The following RBCK1 variants were observed in gnomAD, a reference collection of about 807,000 sequenced individuals.
RBCK1 encodes the protein RANBP2-type and C3HC4-type zinc finger containing 1.
A neutral mutation model predicts 71.1 loss-of-function variants in RBCK1; 44 were observed. That is an observed-to-expected ratio of 0.62 (90% CI 0.49 to 0.80). RBCK1 has a LOEUF of 0.80. RBCK1 is among the 30% of genes least tolerant of loss of function. RBCK1 has a pLI of 0.00. For synonymous variants in RBCK1, 306 were observed against 279.7 expected (o/e 1.09, Z -0.94); for missense variants, 569 against 685.0 (o/e 0.83, Z 1.89).
At chr20:416,301 G>A (rs797004868) in intron 2 of RBCK1, among the ~76,000 whole-genome samples, 16 of 151,820 alleles carry the variant, frequency 1.1e-4, no homozygotes, top group African/African-American at 3.9e-4. Context: ...GACTACAGGC[G>A]CCCGCCACCG....
Position 423,460 on chromosome 20 carries a change from G to A in RBCK1, c.1029+1222G>A, listed in dbSNP as rs1343085840. 2.0e-5 allele frequency among the ~76,000 whole-genome samples: 3 copies of A among 152,022 alleles called. No individual in the cohort carries two copies. The East Asian group carries it at 5.8e-4, about 29-fold the overall frequency. On this transcript the variant is annotated intron_variant, in intron 8 of 11. Coordinates refer to ENST00000356286, the MANE Select transcript of RBCK1 (RefSeq NM_031229.4). ...GACAGTTGGCCCTCTGTATCTGTGG[G>A]TACCACACTGGAGAATTCAGCAACG...
At position 408,718 on chromosome 20, in the gene RBCK1, G is replaced by A; in HGVS notation, c.-40G>A. 1 of 1,611,064 alleles carries A rather than the reference G, an allele frequency of 6.2e-7. No homozygotes were observed. On this transcript the variant is annotated 5_prime_UTR_variant, in exon 1 of 12. Transcript: ENST00000356286. Reference sequence around the variant, plus strand: ...GACCCGGAGGTAGCATTTCCCAGGAGGCACGGTCCCCCCCAGGGGGATGGG... The same window carrying A: ...GACCCGGAGGTAGCATTTCCCAGGAAGCACGGTCCCCCCCAGGGGGATGGG...
At chr20:410,897 C>T in intron 2 of RBCK1, 1 of 234,394 alleles carries the variant, frequency 4.3e-6, no homozygotes. Flanking sequence ...TACAGTTCGA[C>T]CATTTAAAGT....
rs775370317 is a variant in RBCK1, at chr20:417,191, TAAC to T, written c.168-328_168-326del. ...GCATTAAATAGTCTTAGCACGTAGT[TAAC>T]AACAACTTCTGGTGGTTTCACTAAG... On this transcript the variant is annotated intron_variant, in intron 2 of 11. Coordinates refer to ENST00000356286, the MANE Select transcript of RBCK1 (RefSeq NM_031229.4). This position sits in a 1 kb window ranked among gnomAD's most constrained non-coding sequence, Gnocchi z 4.7. 3 of 531,114 alleles carry T rather than the reference TAAC, an allele frequency of 5.6e-6. No individual in the cohort carries two copies. Among genetic ancestry groups the T allele is most frequent in the South Asian group, 3.1e-5 (2 of 65,136 alleles). The allele number at this position is 531,114 out of a possible 1,614,324, so 32.9% of individuals were successfully genotyped here.
In RBCK1 at chr20:427,501, T is replaced by C. The variant is rs752707150; in HGVS notation, c.1209+9T>C. On this transcript the variant is annotated intron_variant, in intron 9 of 11. Transcript: ENST00000356286. ...ACTGCCTGCTCTGCAAGGTGGGGCC[T>C]GCAGGGACTCCCCCCACCTAGTCAC... 1.2e-6 allele frequency: 2 copies of C among 1,612,180 alleles called. No homozygotes were observed. Among genetic ancestry groups the C allele is most frequent in the East Asian group, 2.2e-5 (1 of 44,876 alleles).
intron 11 of RBCK1, among the ~76,000 whole-genome samples, chr20:429,339 G>A (rs1465853287): frequency 6.6e-6 from 1 of 151,290 alleles, no homozygotes; most frequent in Non-Finnish European, 1.5e-5. Flanking sequence ...CAATTCTCCT[G>A]CCTCAGCCTC....
At chr20:409,801 C>G (rs2015591971) in intron 1 of RBCK1, 80 bp from the exon 2 acceptor site, 10 of 1,537,602 alleles carry the variant, frequency 6.5e-6, no homozygotes, top group Non-Finnish European at 7.0e-6. Flanking sequence ...CACAAAGGAT[C>G]GCCTCCTTTC....
intron 6 of RBCK1, chr20:420,106 C>T: frequency 2.0e-6 from 2 of 985,186 alleles, no homozygotes; most frequent in Non-Finnish European, 2.4e-6. Flanking sequence ...CGGACCTCAC[C>T]CCCACCCGTC....
Position 430,504 on chromosome 20 carries a change from C to T in RBCK1, c.*74C>T. ...TGTTAGAATGTAGCTCAGGGAGCTT[C>T]GTGGACGGCCTTGCTTGCTGTAGCG... On this transcript the variant is annotated 3_prime_UTR_variant, in exon 12 of 12. Transcript: ENST00000356286. The surrounding 1 kb of genome is among the most constrained non-coding windows in gnomAD (Gnocchi z 5.6). 2.7e-6 allele frequency: 4 copies of T among 1,465,742 alleles called. No individual in the cohort carries two copies. The highest frequency in any genetic ancestry group is 2.3e-5 in the East Asian group (1 of 44,028). 90.8% of individuals were successfully genotyped at this position (1,465,742 alleles called of 1,614,324 possible).
rs2016096112 is a variant in RBCK1, at chr20:417,920, G to C, written c.450G>C (p.Arg150=). Residue 150 remains arginine, a synonymous_variant, in exon 4 of 12, where the codon CGG becomes CGC. Coordinates refer to ENST00000356286, the MANE Select transcript of RBCK1 (RefSeq NM_031229.4). The surrounding 1 kb of genome is among the most constrained non-coding windows in gnomAD (Gnocchi z 4.7). The part of the protein sequence containing the change: ...PQELQRERQL[R]MLEDLGFKDL... ...AGCTGCAGCGGGAGCGGCAGCTGCGGATGCTGGAAGGTGAGGCTCTGCCCT... is the reference window on the plus strand; with the variant it reads ...AGCTGCAGCGGGAGCGGCAGCTGCGCATGCTGGAAGGTGAGGCTCTGCCCT... 2 of 1,606,790 alleles carry C rather than the reference G, an allele frequency of 1.2e-6. No individual in the cohort carries two copies. Among genetic ancestry groups the C allele is most frequent in the Non-Finnish European group, 1.7e-6 (2 of 1,179,848 alleles).
At chr20:410,580 C>T (rs1407684514) in intron 2 of RBCK1, 1 of 779,536 alleles carries the variant, frequency 1.3e-6, no homozygotes, top group Non-Finnish European at 2.4e-6. Flanking sequence ...AGCTACAGTT[C>T]AGCTTGAGGG....
intron 9 of RBCK1, among the ~76,000 whole-genome samples, chr20:427,882 C>G (rs2016817567): frequency 6.6e-6 from 1 of 152,138 alleles, no homozygotes; most frequent in Non-Finnish European, 1.5e-5. Flanking sequence ...CAGCTCAGAC[C>G]CTGAACCGAG....
intron 6 of RBCK1, 41 bp downstream of exon 6, chr20:419,772 C>T (rs373808622): frequency 8.6e-6 from 13 of 1,519,906 alleles, no homozygotes; most frequent in African/African-American, 1.4e-5. Flanking sequence ...GCAGACCGCA[C>T]GGGGGAGGTG....
At chr20:410,460 T>G (rs1440859505) in intron 2 of RBCK1, 12 of 779,552 alleles carry the variant, frequency 1.5e-5, no homozygotes, top group Non-Finnish European at 2.6e-5. Flanking sequence ...AGCCATCACA[T>G]CACAGGAGGA....
At chr20:411,234 G>C (rs1478729583) in intron 2 of RBCK1, among the ~76,000 whole-genome samples, 1 of 151,540 alleles carries the variant, frequency 6.6e-6, no homozygotes, top group Non-Finnish European at 1.5e-5. Context: ...TTTTGACATG[G>C]GGTCTCTTGT....
At position 408,701 on chromosome 20, in the gene RBCK1, G is replaced by A. The variant is rs747669456; in HGVS notation, c.-57G>A. The A allele has an allele frequency of 6.2e-6, 10 of 1,606,708 alleles. 1 individual carries two copies. Among genetic ancestry groups the A allele is most frequent in the Non-Finnish European group, 8.5e-6 (10 of 1,177,592 alleles). On this transcript the variant is annotated 5_prime_UTR_variant, in exon 1 of 12. Transcript: ENST00000356286. ...TCCCGCCTCTCCCAGGCGACCCGGA[G>A]GTAGCATTTCCCAGGAGGCACGGTC...
intron 6 of RBCK1, chr20:420,595 C>A: frequency 1.0e-6 from 1 of 977,454 alleles, no homozygotes. Context: ...GGCCGGCCTC[C>A]CCTCCCTTGG....
At chr20:408,920 C>T in intron 1 of RBCK1, 141 bp downstream of exon 1, 2 of 1,036,012 alleles carry the variant, frequency 1.9e-6, no homozygotes, top group Non-Finnish European at 2.8e-6. Context: ...TCAGTTTCCT[C>T]CTTTGGTACC....
chr20:418,652 G>A (rs888276296), intron 4 of RBCK1, among the ~76,000 whole-genome samples: 2 of 152,244 alleles, frequency 1.3e-5, no homozygotes, highest in Non-Finnish European at 2.9e-5. Context: ...ACAGGCGTGA[G>A]CCACCACGCC....
Sources: allele counts gnomAD v4.1 joint callset (sites outside exome capture counted in the v4.1 genomes callset), GRCh38; gene constraint gnomAD v4.1.1; non-coding constraint Gnocchi (gnomAD v3.1); transcripts MANE v1.5; gene names NCBI Gene and HGNC (gene_info 2026-07-23, HGNC 2026-07-21).